NDUFAF2: variants seen among roughly 807,000 people sequenced by gnomAD.
NDUFAF2 encodes NADH dehydrogenase [ubiquinone] 1 alpha subcomplex assembly factor 2.
In NDUFAF2, 13 loss-of-function variants were observed where a neutral mutation model predicts 22.8. The ratio of observed to expected loss-of-function variants is 0.57; its 90% CI spans 0.37 to 0.91. The LOEUF is 0.91. Ranked by LOEUF, NDUFAF2 falls within the 40% of genes least tolerant of loss-of-function variation. The pLI, the probability that NDUFAF2 is intolerant of heterozygous loss-of-function variation, is 0.01. For missense variants in NDUFAF2, 162 were observed against 195.2 expected, an observed-to-expected ratio of 0.83 and a Z score of 1.01; for synonymous variants, 53 against 64.2, an observed-to-expected ratio of 0.83 and a Z score of 0.84.
intron 2 of NDUFAF2, 120 bp downstream of exon 2, chr5:61,073,334 A>C: frequency 2.6e-6 from 2 of 777,786 alleles, no homozygotes; most frequent in East Asian, 5.0e-5. Flanking sequence ...TAGTGTCTGA[A>C]TGTTTGAAAC....
At chr5:61,144,979 A>G (rs925687888) in intron 3 of NDUFAF2, among the ~76,000 whole-genome samples, 3 of 152,218 alleles carry the variant, frequency 2.0e-5, no homozygotes, top group Admixed American at 6.5e-5. Flanking sequence ...AAGTTAATGT[A>G]TAGTAGGATT....
chr5:61,099,374 A>G (rs1259571995), intron 3 of NDUFAF2, among the ~76,000 whole-genome samples: 1 of 151,410 alleles, frequency 6.6e-6, no homozygotes, highest in South Asian at 2.1e-4. Flanking sequence ...CTCTGTGCCA[A>G]TACTCAAGCT....
At chr5:60,962,473 A>C (rs571173841) in intron 1 of NDUFAF2, among the ~76,000 whole-genome samples, 64 of 152,300 alleles carry the variant, frequency 4.2e-4, no homozygotes, top group African/African-American at 1.5e-3. Context: ...TTATTTTCAT[A>C]GACTTCATGA....
intron 1 of NDUFAF2, among the ~76,000 whole-genome samples, chr5:61,070,914 C>G (rs752886283): frequency 1.2e-4 from 15 of 121,382 alleles, no homozygotes; most frequent in Non-Finnish European, 2.1e-4. Flanking sequence ...GTTTTCCTTT[C>G]TATAACTATT....
chr5:61,020,547 A>ATGTG (rs68178917), intron 1 of NDUFAF2, among the ~76,000 whole-genome samples: 11,881 of 147,992 alleles, frequency 0.08, 948 homozygotes, highest in African/African-American at 0.21. Context: ...GGGTTTTGTT[A>ATGTG]TGTGTGTGTG....
intron 1 of NDUFAF2, chr5:61,050,280 C>T (rs542763338): frequency 6.6e-6 from 1 of 152,020 alleles, no homozygotes; most frequent in Non-Finnish European, 1.5e-5. Flanking sequence ...TAGTAGCCAT[C>T]TTACTGGTTG....
intron 1 of NDUFAF2, among the ~76,000 whole-genome samples, chr5:60,993,852 C>T (rs893640112): frequency 3.3e-5 from 5 of 152,172 alleles, no homozygotes; most frequent in Non-Finnish European, 7.4e-5. Flanking sequence ...GGAGGAAGTG[C>T]CTACCAATTT....
At chr5:61,114,484 T>C (rs1045130317) in intron 3 of NDUFAF2, 2 of 152,228 alleles carry the variant, frequency 1.3e-5, no homozygotes, top group Non-Finnish European at 2.9e-5. Context: ...CTATTTTGAA[T>C]TCTCTGTCTG....
chr5:61,070,119 A>G (rs1752276846), intron 1 of NDUFAF2, among the ~76,000 whole-genome samples: 3 of 152,142 alleles, frequency 2.0e-5, no homozygotes, highest in Admixed American at 1.3e-4. Flanking sequence ...ACCTACACAT[A>G]TATTGGATTA....
chr5:61,075,408 C>T (rs75829346), intron 2 of NDUFAF2, among the ~76,000 whole-genome samples: 3,700 of 151,968 alleles, frequency 0.024, 64 homozygotes, highest in Non-Finnish European at 0.038. Context: ...AAATTGGCAA[C>T]TTCTAGGAGG....
At chr5:61,123,194 TC>T (rs1752996625) in intron 3 of NDUFAF2, among the ~76,000 whole-genome samples, 1 of 152,138 alleles carries the variant, frequency 6.6e-6, no homozygotes, top group African/African-American at 2.4e-5. Context: ...GATTACTTGT[TC>T]AACATAAGCC....
chr5:61,093,377 A>G (rs931324391), intron 2 of NDUFAF2, among the ~76,000 whole-genome samples: 1 of 152,186 alleles, frequency 6.6e-6, no homozygotes, highest in South Asian at 2.1e-4. Context: ...TGCCCATTCC[A>G]TATATCGGCA....
In NDUFAF2 at chr5:61,113,084, A is replaced by G. The variant is rs2111786990; in HGVS notation, c.258+14052A>G. On this transcript the variant is annotated intron_variant, in intron 3 of 3. Coordinates refer to ENST00000296597, the MANE Select transcript of NDUFAF2 (RefSeq NM_174889.5). Reference sequence around the variant, plus strand: ...CTGTTTCTTAAGTTTTGTTGTTTCAATTTATATCTTACTCTACTGTCTTGA... The same window carrying G: ...CTGTTTCTTAAGTTTTGTTGTTTCAGTTTATATCTTACTCTACTGTCTTGA... 1.3e-5 allele frequency among the ~76,000 whole-genome samples: 2 copies of G among 152,234 alleles called. 1 individual carries two copies. Among genetic ancestry groups the G allele is most frequent in the Non-Finnish European group, 2.9e-5 (2 of 67,994 alleles).
At chr5:61,040,738 T>C (rs1751871215) in intron 1 of NDUFAF2, among the ~76,000 whole-genome samples, 1 of 152,058 alleles carries the variant, frequency 6.6e-6, no homozygotes, top group South Asian at 2.1e-4. Flanking sequence ...TGAGAACACG[T>C]TAGTTTTTAT....
chr5:61,113,198 T>A (rs1752867352), intron 3 of NDUFAF2, among the ~76,000 whole-genome samples: 1 of 152,202 alleles, frequency 6.6e-6, no homozygotes, highest in African/African-American at 2.4e-5. Flanking sequence ...ACAGCAAAAT[T>A]GGAGTTTTAC....
intron 1 of NDUFAF2, among the ~76,000 whole-genome samples, chr5:61,000,706 A>G (rs993950537): frequency 5.9e-5 from 9 of 152,062 alleles, no homozygotes; most frequent in African/African-American, 2.2e-4. Flanking sequence ...AGGAATTTTC[A>G]CCTGGCTCCT....
intron 1 of NDUFAF2, among the ~76,000 whole-genome samples, chr5:60,981,169 A>G (rs1209134095): frequency 6.6e-6 from 1 of 152,156 alleles, no homozygotes; most frequent in Non-Finnish European, 1.5e-5. Flanking sequence ...AAGGATAAAG[A>G]AAGGATCCTA....
intron 1 of NDUFAF2, among the ~76,000 whole-genome samples, chr5:61,000,530 A>G (rs772367095): frequency 1.2e-4 from 19 of 152,172 alleles, no homozygotes; most frequent in African/African-American, 3.9e-4. Context: ...ACTATATCCA[A>G]ATAAGGCTGT....
chr5:61,071,750 C>G (rs780539017), intron 1 of NDUFAF2, among the ~76,000 whole-genome samples: 4 of 152,216 alleles, frequency 2.6e-5, no homozygotes, highest in Non-Finnish European at 4.4e-5. Context: ...AATGACTTCT[C>G]TGTCTCAGCT....
Sources: allele counts gnomAD v4.1 joint callset (sites outside exome capture counted in the v4.1 genomes callset), GRCh38; gene constraint gnomAD v4.1.1; transcripts MANE v1.5; gene names NCBI Gene and HGNC (gene_info 2026-07-23, HGNC 2026-07-21).